The following MINDY2 variants were observed in gnomAD, a reference collection of about 807,000 sequenced individuals.
The protein encoded by MINDY2 is MINDY lysine 48 deubiquitinase 2.
Under a neutral mutation model 68.2 loss-of-function variants are expected in MINDY2, and 52 were observed. That is an observed-to-expected ratio of 0.76 (90% CI 0.61 to 0.96). The LOEUF (loss-of-function observed/expected upper bound fraction) is 0.96, where lower values mean the gene tolerates loss of function less well. MINDY2 is among the 40% of genes least tolerant of loss of function. The probability of loss-of-function intolerance (pLI) is 0.00; values close to 1 mark genes in which losing one functional copy is unlikely to be tolerated. For synonymous variants in MINDY2, 372 were observed against 303.0 expected, an observed-to-expected ratio of 1.23 and a Z score of -2.36; for missense variants, 881 against 773.4, an observed-to-expected ratio of 1.14 and a Z score of -1.65.
chr15:58,775,862 T>C (rs1367904219), intron 1 of MINDY2, among the ~76,000 whole-genome samples: 5 of 99,252 alleles, frequency 5.0e-5, no homozygotes, highest in African/African-American at 2.0e-4. Context: ...AGGCTAAATT[T>C]TTTTTTTTTT....
At chr15:58,815,955 G>A (rs1266526281) in intron 4 of MINDY2, among the ~76,000 whole-genome samples, 2 of 152,162 alleles carry the variant, frequency 1.3e-5, no homozygotes, top group African/African-American at 2.4e-5. Context: ...TGGGATTACA[G>A]GCGTGAGCCA....
intron 5 of MINDY2, 110 bp from the exon 6 acceptor site, chr15:58,831,661 GTAT>G: frequency 1.1e-6 from 1 of 883,424 alleles, no homozygotes; most frequent in Non-Finnish European, 1.7e-6. Flanking sequence ...AGTAGGGAAA[GTAT>G]TATAATTATT....
chr15:58,831,041 G>GTGTGTGTGTGTATATA (rs565786025), intron 5 of MINDY2, among the ~76,000 whole-genome samples: 1 of 124,904 alleles, frequency 8.0e-6, no homozygotes, highest in Non-Finnish European at 1.6e-5. Context: ...GTGTGTGTGT[G>GTGTGTGTGTGTATATA]TATATATATA....
intron 6 of MINDY2, among the ~76,000 whole-genome samples, chr15:58,835,779 G>C: frequency 6.6e-6 from 1 of 152,170 alleles, no homozygotes; most frequent in Non-Finnish European, 1.5e-5. Context: ...CCCTGAGGAA[G>C]GAAACAGCTT....
intron 1 of MINDY2, among the ~76,000 whole-genome samples, chr15:58,784,975 A>G (rs911442839): frequency 1.3e-5 from 2 of 152,076 alleles, no homozygotes; most frequent in South Asian, 2.1e-4. Context: ...TTAGAAAATC[A>G]GACAGACTGC....
intron 6 of MINDY2, among the ~76,000 whole-genome samples, chr15:58,839,693 G>C (rs2032183862): frequency 6.6e-6 from 1 of 151,962 alleles, no homozygotes; most frequent in East Asian, 1.9e-4. Context: ...ACCACTAGGT[G>C]GTGTTTCAGT....
intron 6 of MINDY2, among the ~76,000 whole-genome samples, chr15:58,834,919 T>C (rs2031920815): frequency 6.6e-6 from 1 of 152,254 alleles, no homozygotes; most frequent in Non-Finnish European, 1.5e-5. Context: ...GTATGTCAGA[T>C]GTGGGCCCAG....
At chr15:58,823,556 T>C (rs2031204968) in intron 5 of MINDY2, among the ~76,000 whole-genome samples, 1 of 151,962 alleles carries the variant, frequency 6.6e-6, no homozygotes, top group African/African-American at 2.4e-5. Context: ...CTCCACGTAC[T>C]TGGGAGGCTG....
At chr15:58,819,444 A>C (rs1326747620) in intron 4 of MINDY2, among the ~76,000 whole-genome samples, 1 of 152,146 alleles carries the variant, frequency 6.6e-6, no homozygotes, top group Non-Finnish European at 1.5e-5. Context: ...TGAGACCCAG[A>C]TCACACCACT....
At chr15:58,822,739 A>G (rs2031142635) in intron 5 of MINDY2, among the ~76,000 whole-genome samples, 2 of 152,216 alleles carry the variant, frequency 1.3e-5, no homozygotes, top group African/African-American at 4.8e-5. Context: ...ATCAAAAGGC[A>G]TAGCATGTAG....
intron 2 of MINDY2, among the ~76,000 whole-genome samples, chr15:58,794,670 T>C (rs1834019702): frequency 6.6e-6 from 1 of 152,002 alleles, no homozygotes; most frequent in South Asian, 2.1e-4. Flanking sequence ...CTATTCCACT[T>C]TGAGGTTCAC....
chr15:58,778,944 TAG>T (rs1900957796), intron 1 of MINDY2, among the ~76,000 whole-genome samples: 1 of 151,856 alleles, frequency 6.6e-6, no homozygotes, highest in Non-Finnish European at 1.5e-5. Flanking sequence ...GTATTTTTAG[TAG>T]AGATAGGGTT....
chr15:58,854,891 T>G lies in MINDY2; in HGVS notation c.*281T>G, dbSNP rs2033007672. On this transcript the variant is annotated 3_prime_UTR_variant, in exon 9 of 9. Transcript: ENST00000559228. ...CCAGATTAGCAAATCACAGCAAATTTTGTGTCATAGTGACATTCATAACTC... is the reference window on the plus strand; with the variant it reads ...CCAGATTAGCAAATCACAGCAAATTGTGTGTCATAGTGACATTCATAACTC... The G allele has an allele frequency of 4.3e-6, 1 of 232,098 alleles. No individual in the cohort carries two copies. The highest frequency in any genetic ancestry group is 8.6e-6 in the Non-Finnish European group (1 of 116,440). 14.4% of individuals were successfully genotyped at this position (232,098 alleles called of 1,614,324 possible).
At chr15:58,834,100 T>C (rs2031878209) in intron 6 of MINDY2, among the ~76,000 whole-genome samples, 1 of 152,176 alleles carries the variant, frequency 6.6e-6, no homozygotes, top group African/African-American at 2.4e-5. Flanking sequence ...AAGCACACCC[T>C]GCACAGCCCT....
intron 3 of MINDY2, among the ~76,000 whole-genome samples, chr15:58,808,595 G>GT (rs1195134113): frequency 3.3e-5 from 5 of 151,846 alleles, no homozygotes; most frequent in Middle Eastern, 3.4e-3. Flanking sequence ...AAAATATATG[G>GT]TTTTTTTGTT....
chr15:58,789,817 T>G (rs1901769758), intron 2 of MINDY2, among the ~76,000 whole-genome samples: 1 of 151,918 alleles, frequency 6.6e-6, no homozygotes. Flanking sequence ...GTGGCTAATT[T>G]TGTATTTTTA....
intron 4 of MINDY2, among the ~76,000 whole-genome samples, chr15:58,820,642 T>G (rs2031000091): frequency 6.6e-6 from 1 of 152,246 alleles, no homozygotes; most frequent in Admixed American, 6.5e-5. Flanking sequence ...GTTCTCAAAC[T>G]TCGCTATGCA....
At chr15:58,772,289 G>A (rs1186861498) in intron 1 of MINDY2, 54 bp downstream of exon 1, 2 of 1,597,536 alleles carry the variant, frequency 1.3e-6, no homozygotes, top group Non-Finnish European at 1.7e-6. Flanking sequence ...GGAAAACGGG[G>A]TGAGGGAGCT....
chr15:58,838,693 T>C (rs2032126300), intron 6 of MINDY2, among the ~76,000 whole-genome samples: 1 of 147,780 alleles, frequency 6.8e-6, no homozygotes. Context: ...TTCAAGCGAT[T>C]GTCCTGCCTC....
Sources: allele counts gnomAD v4.1 joint callset (sites outside exome capture counted in the v4.1 genomes callset), GRCh38; gene constraint gnomAD v4.1.1; transcripts MANE v1.5; gene names NCBI Gene and HGNC (gene_info 2026-07-23, HGNC 2026-07-21).